The following IKZF1 variants were observed in gnomAD, a reference collection of about 807,000 sequenced individuals.
The protein encoded by IKZF1 is IKAROS family zinc finger 1.
A neutral mutation model predicts 51.7 loss-of-function variants in IKZF1; 10 were observed. The observed-to-expected ratio is 0.19, with a 90% confidence interval of 0.12 to 0.33. The LOEUF is 0.33. Ranked by LOEUF, IKZF1 falls within the 10% of genes least tolerant of loss-of-function variation. The pLI is 1.00. For synonymous variants in IKZF1, 280 were observed against 282.3 expected (o/e 0.99, Z 0.08); for missense variants, 484 against 707.5 (o/e 0.68, Z 3.58).
intron 1 of IKZF1, among the ~76,000 whole-genome samples, 177 bp downstream of exon 1, chr7:50,305,099 G>C (rs1228384148): frequency 6.6e-6 from 1 of 152,220 alleles, no homozygotes; most frequent in East Asian, 1.9e-4. Context: ...CTGTTGCTCT[G>C]CACTGTGCCA....
chr7:50,370,489 C>T (rs1808334835), intron 3 of IKZF1, among the ~76,000 whole-genome samples: 1 of 152,218 alleles, frequency 6.6e-6, no homozygotes, highest in South Asian at 2.1e-4. Context: ...CAAAGTCCAC[C>T]TTCCATACAG....
At chr7:50,323,696 G>T (rs1405007532) in intron 2 of IKZF1, among the ~76,000 whole-genome samples, 1 of 152,078 alleles carries the variant, frequency 6.6e-6, no homozygotes, top group Non-Finnish European at 1.5e-5. Flanking sequence ...TTGATGTCTT[G>T]CTGTCTCCGT....
intron 3 of IKZF1, among the ~76,000 whole-genome samples, chr7:50,347,530 A>C (rs1466823613): frequency 6.6e-6 from 1 of 152,208 alleles, no homozygotes; most frequent in African/African-American, 2.4e-5. Context: ...CCCACAATGC[A>C]CCTGAGCACA....
At chr7:50,343,047 CT>C (rs1562781623) in intron 3 of IKZF1, among the ~76,000 whole-genome samples, 1 of 150,898 alleles carries the variant, frequency 6.6e-6, no homozygotes, top group African/African-American at 2.4e-5. Context: ...TCCTTTCTTC[CT>C]TTTTCTTTTT....
chr7:50,334,659 AGT>A (rs1440296634), intron 3 of IKZF1, among the ~76,000 whole-genome samples: 1 of 140,198 alleles, frequency 7.1e-6, no homozygotes, highest in African/African-American at 2.7e-5. Context: ...GTGCATATGT[AGT>A]GTGTATATGT....
intron 3 of IKZF1, among the ~76,000 whole-genome samples, chr7:50,329,868 T>A (rs1796048519): frequency 6.6e-6 from 1 of 152,254 alleles, no homozygotes; most frequent in Admixed American, 6.5e-5. Context: ...TCCCTGCAGC[T>A]GCCCTTAGAG....
At chr7:50,326,953 G>A (rs944587132) in intron 2 of IKZF1, among the ~76,000 whole-genome samples, 20 of 152,312 alleles carry the variant, frequency 1.3e-4, no homozygotes, top group African/African-American at 4.6e-4. Flanking sequence ...AGAATACCTG[G>A]TGTGGTATCC....
chr7:50,353,937 G>C (rs6592921), intron 3 of IKZF1, among the ~76,000 whole-genome samples: 116,918 of 152,114 alleles, frequency 0.77, 45,790 homozygotes, highest in African/African-American at 0.91. Context: ...GGGACCCAGG[G>C]AGGCCCCAAG....
chr7:50,372,734 C>T (rs977507555), intron 3 of IKZF1, among the ~76,000 whole-genome samples: 4 of 152,226 alleles, frequency 2.6e-5, no homozygotes, highest in African/African-American at 9.6e-5. Flanking sequence ...TATGTCCCTA[C>T]ATCTAGCCAT....
intron 7 of IKZF1, among the ~76,000 whole-genome samples, chr7:50,395,278 T>C (rs1816393683): frequency 6.6e-6 from 1 of 152,170 alleles, no homozygotes; most frequent in African/African-American, 2.4e-5. Context: ...AATACTTTCA[T>C]AAATATTCCA....
At chr7:50,350,297 A>G (rs1362152112) in intron 3 of IKZF1, among the ~76,000 whole-genome samples, 1 of 152,244 alleles carries the variant, frequency 6.6e-6, no homozygotes, top group African/African-American at 2.4e-5. Flanking sequence ...CCAGCTCCAG[A>G]GGCTGGTCCC....
chr7:50,323,594 A>G (rs1376411561), intron 2 of IKZF1, among the ~76,000 whole-genome samples: 1 of 152,214 alleles, frequency 6.6e-6, no homozygotes, highest in Non-Finnish European at 1.5e-5. Flanking sequence ...TTAAGTGTAA[A>G]TGTGTATTTT....
intron 4 of IKZF1, among the ~76,000 whole-genome samples, chr7:50,378,707 C>A (rs1429030332): frequency 1.3e-5 from 2 of 152,246 alleles, no homozygotes; most frequent in African/African-American, 2.4e-5. Flanking sequence ...CTTCTCCCAA[C>A]AAATAGCAGC....
intron 3 of IKZF1, among the ~76,000 whole-genome samples, chr7:50,337,181 A>C (rs1798003100): frequency 6.6e-6 from 1 of 151,980 alleles, no homozygotes; most frequent in Non-Finnish European, 1.5e-5. Context: ...CAAGGGAAGA[A>C]AGAAGACAAG....
intron 2 of IKZF1, among the ~76,000 whole-genome samples, chr7:50,325,139 G>A (rs1188764190): frequency 6.6e-6 from 1 of 152,044 alleles, no homozygotes; most frequent in Non-Finnish European, 1.5e-5. Flanking sequence ...CTTCAAGAAG[G>A]CAAGTGGCCT....
intron 7 of IKZF1, among the ~76,000 whole-genome samples, chr7:50,399,158 C>T (rs1274238035): frequency 6.6e-6 from 1 of 152,186 alleles, no homozygotes. Context: ...AGATGAATAG[C>T]AACTATTTTC....
At position 50,400,142 on chromosome 7, in the gene IKZF1, C is replaced by G. The variant is rs781277713; in HGVS notation, c.1075C>G (p.Pro359Ala). 21 of 1,561,706 alleles carry G rather than the reference C, an allele frequency of 1.3e-5. No individual in the cohort carries two copies. Among genetic ancestry groups the G allele is most frequent in the Admixed American group, 7.7e-5 (4 of 51,996 alleles). ...QLHKPLAEGT[P>A]RSNHSAQDSA... The stretch of plus-strand genomic sequence containing the variant: ...GCACAAGCCGCTCGCGGAGGGCACC[C>G]CGCGCTCCAACCACTCGGCCCAGGA... The change falls in exon 8 of 8, where the codon CCG becomes GCG. Residue 359 changes from proline to alanine, a missense_variant. Pro to Ala is a conservative substitution (Grantham distance 27, BLOSUM62 -1). Around this residue, in one of 6 missense-constraint regions of IKZF1, gnomAD observed 172 missense variants for 192.7 expected, o/e 0.89. Transcript: ENST00000331340. This position sits in a 1 kb window ranked among gnomAD's most constrained non-coding sequence, Gnocchi z 5.4.
At chr7:50,321,099 GT>G (rs1793148250) in intron 2 of IKZF1, among the ~76,000 whole-genome samples, 1 of 152,128 alleles carries the variant, frequency 6.6e-6, no homozygotes. Flanking sequence ...TGCCCATAAC[GT>G]TTAGGAAAAT....
At chr7:50,331,716 G>A (rs1796478432) in intron 3 of IKZF1, among the ~76,000 whole-genome samples, 4 of 152,226 alleles carry the variant, frequency 2.6e-5, no homozygotes, top group Admixed American at 2.6e-4. Flanking sequence ...ACACCTCATT[G>A]CTTCATTCAG....
Sources: gnomAD v4.1 joint callset for allele counts (sites outside exome capture counted in the v4.1 genomes callset) on GRCh38, gnomAD v4.1.1 for gene constraint, gnomAD v4.1.1 regional missense constraint, Gnocchi (gnomAD v3.1) non-coding constraint, MANE v1.5 for transcripts, NCBI Gene and HGNC (gene_info 2026-07-23, HGNC 2026-07-21) for gene names.